PDGFRL: variants seen among roughly 807,000 people sequenced by gnomAD.
The protein encoded by PDGFRL is platelet-derived growth factor receptor-like protein.
In PDGFRL, 46 loss-of-function variants were observed where a neutral mutation model predicts 37.2. The ratio of observed to expected loss-of-function variants is 1.24; its 90% confidence interval spans 0.98 to 1.58. PDGFRL has a LOEUF of 1.58. Ranked by LOEUF, PDGFRL falls within the 40% of genes most tolerant of loss-of-function variation. The pLI, the probability that PDGFRL is intolerant of heterozygous loss-of-function variation, is 0.00. For synonymous variants in PDGFRL, 251 were observed against 184.3 expected (o/e 1.36, Z -2.93); for missense variants, 692 against 467.6 (o/e 1.48, Z -4.43).
intron 5 of PDGFRL, among the ~76,000 whole-genome samples, 177 bp from the exon 6 acceptor site, chr8:17,642,436 A>T (rs1321396775): frequency 6.6e-6 from 1 of 152,238 alleles, no homozygotes; most frequent in African/African-American, 2.4e-5. Flanking sequence ...AAAAAATGCA[A>T]CCTAAAATGA....
intron 3 of PDGFRL, among the ~76,000 whole-genome samples, chr8:17,622,801 C>T (rs1804659135): frequency 6.6e-6 from 1 of 152,206 alleles, no homozygotes; most frequent in Non-Finnish European, 1.5e-5. Flanking sequence ...CTCGGTAGGG[C>T]TGGGTTCCCT....
chr8:17,595,266 C>T (rs970671854), intron 2 of PDGFRL, among the ~76,000 whole-genome samples: 7 of 152,144 alleles, frequency 4.6e-5, no homozygotes, highest in African/African-American at 9.7e-5. Context: ...CCCTGCCCAC[C>T]ATCCCCTCAA....
chr8:17,623,895 T>G (rs1192264745), intron 3 of PDGFRL, among the ~76,000 whole-genome samples: 1 of 145,468 alleles, frequency 6.9e-6, no homozygotes, highest in East Asian at 2.0e-4. Flanking sequence ...ATACGGGCTC[T>G]CTTTGAGTTT....
intron 2 of PDGFRL, among the ~76,000 whole-genome samples, chr8:17,610,344 C>T (rs1399218725): frequency 6.6e-6 from 1 of 152,138 alleles, no homozygotes; most frequent in African/African-American, 2.4e-5. Context: ...ATCCATAAAT[C>T]CGGAATCCGA....
At chr8:17,612,894 T>C (rs950935795) in intron 2 of PDGFRL, among the ~76,000 whole-genome samples, 1 of 152,218 alleles carries the variant, frequency 6.6e-6, no homozygotes, top group Non-Finnish European at 1.5e-5. Context: ...ATATTTTTTA[T>C]GTGTAAAGTT....
At chr8:17,576,579 TA>T, upstream of PDGFRL, 1 of 236,296 alleles carries the variant, frequency 4.2e-6, no homozygotes, top group Non-Finnish European at 6.9e-6. Context: ...GTGCTTACCC[TA>T]ATTCCCTGTT....
Position 17,636,584 on chromosome 8 carries a change from T to C in PDGFRL, c.939+2371T>C, listed in dbSNP as rs140711174. On this transcript the variant is annotated intron_variant, in intron 5 of 5. Coordinates refer to ENST00000251630, the MANE Select transcript of PDGFRL (RefSeq NM_001372073.1). ...TGTTTTTTTTTTTTGCTTAGTCTTG[T>C]TTTGGCTCTGCAGATTCTTTTTTGG... Among the ~76,000 whole-genome samples, 1,052 of 152,042 alleles carry C rather than the reference T, an allele frequency of 6.9e-3. 15 individuals are homozygous for C. The highest frequency in any genetic ancestry group is 0.025 in the African/African-American group (1,018 of 41,492).
At chr8:17,632,448 C>G (rs994650435) in intron 4 of PDGFRL, among the ~76,000 whole-genome samples, 1 of 151,970 alleles carries the variant, frequency 6.6e-6, no homozygotes, top group African/African-American at 2.4e-5. Flanking sequence ...TCGAGGGATT[C>G]TCCTGTCTCA....
chr8:17,593,716 G>A (rs995769297), intron 2 of PDGFRL, among the ~76,000 whole-genome samples: 14 of 151,896 alleles, frequency 9.2e-5, no homozygotes, highest in Non-Finnish European at 1.0e-4. Flanking sequence ...CCAACACAGC[G>A]AAACCCCGTC....
intron 2 of PDGFRL, among the ~76,000 whole-genome samples, chr8:17,593,396 A>G (rs965734947): frequency 2.0e-5 from 3 of 151,298 alleles, no homozygotes; most frequent in African/African-American, 7.3e-5. Flanking sequence ...GTTCAAGACC[A>G]GCTTGGGCAA....
intron 2 of PDGFRL, among the ~76,000 whole-genome samples, chr8:17,618,103 G>A (rs2129751453): frequency 6.6e-6 from 1 of 151,976 alleles, no homozygotes; most frequent in Non-Finnish European, 1.5e-5. Context: ...TGTCGCCTAG[G>A]CTGGAGTACA....
chr8:17,586,952 A>G (rs3780113), intron 1 of PDGFRL, among the ~76,000 whole-genome samples: 18,273 of 152,246 alleles, frequency 0.12, 1,120 homozygotes, highest in Middle Eastern at 0.14. Flanking sequence ...CAAAAATTCA[A>G]TGGTAATGGA....
intron 4 of PDGFRL, among the ~76,000 whole-genome samples, chr8:17,631,247 C>T (rs555699144): frequency 6.6e-5 from 10 of 152,242 alleles, no homozygotes; most frequent in Non-Finnish European, 1.0e-4. Context: ...GAAATAGTTT[C>T]TCTTCTGGCA....
intron 4 of PDGFRL, among the ~76,000 whole-genome samples, chr8:17,629,240 G>A (rs1287451914): frequency 1.3e-5 from 2 of 152,000 alleles, no homozygotes; most frequent in African/African-American, 4.8e-5. Context: ...CACTTATGCC[G>A]TTCTTAAAGG....
intron 2 of PDGFRL, among the ~76,000 whole-genome samples, chr8:17,613,570 G>T (rs539715671): frequency 1.3e-5 from 2 of 152,246 alleles, no homozygotes; most frequent in East Asian, 3.9e-4. Flanking sequence ...TGCTTAGGGT[G>T]ACTTCTTTTT....
intron 2 of PDGFRL, among the ~76,000 whole-genome samples, chr8:17,602,356 C>T (rs1804183724): frequency 6.6e-6 from 1 of 152,088 alleles, no homozygotes; most frequent in Non-Finnish European, 1.5e-5. Context: ...ACTTGGGAGC[C>T]CTAGTTCCTG....
intron 2 of PDGFRL, among the ~76,000 whole-genome samples, chr8:17,592,041 T>C (rs1030831115): frequency 5.3e-5 from 8 of 152,302 alleles, no homozygotes; most frequent in African/African-American, 1.9e-4. Context: ...GACATCATTA[T>C]CCACTTGGTT....
At chr8:17,623,349 C>T (rs1462911718) in intron 3 of PDGFRL, among the ~76,000 whole-genome samples, 1 of 152,144 alleles carries the variant, frequency 6.6e-6, no homozygotes, top group Non-Finnish European at 1.5e-5. Flanking sequence ...TTTTGGAACT[C>T]GCTACACAAG....
Position 17,589,491 on chromosome 8 carries a change from A to T in PDGFRL, c.79A>T (p.Asn27Tyr), listed in dbSNP as rs1235597099. 1.9e-6 allele frequency: 3 copies of T among 1,613,638 alleles called. No individual in the cohort carries two copies. In the African/African-American group the frequency reaches 4.0e-5, roughly 22 times the overall value. Residue 27 changes from asparagine (N) to tyrosine (Y), a missense_variant, in exon 2 of 6, where the codon AAC (asparagine) becomes TAC (tyrosine). Physicochemically the swap from Asn to Tyr is moderately radical, Grantham distance 143. Coordinates refer to ENST00000251630, the MANE Select transcript of PDGFRL (RefSeq NM_001372073.1). Reference sequence around the variant, plus strand: ...AGTTACTGGCCAACACCTTCCCAAGAACAAGCGTCCAAAAGAACCAGGAGA... The same window carrying T: ...AGTTACTGGCCAACACCTTCCCAAGTACAAGCGTCCAAAAGAACCAGGAGA... Reference protein sequence around the residue: ...EDVTGQHLPKNKRPKEPGENR... With the variant: ...EDVTGQHLPKYKRPKEPGENR...
Sources: gnomAD v4.1 joint callset for allele counts (sites outside exome capture counted in the v4.1 genomes callset) on GRCh38, gnomAD v4.1.1 for gene constraint, MANE v1.5 for transcripts, NCBI Gene and HGNC (gene_info 2026-07-23, HGNC 2026-07-21) for gene names.